Variants in MTG1 observed in about 807,000 individuals in gnomAD.
The protein encoded by MTG1 is mitochondrial ribosome associated GTPase 1, also known as mitochondrial ribosome-associated GTPase 1.
MTG1 carries 30 observed loss-of-function variants against 39.5 expected under a neutral mutation model. The ratio of observed to expected loss-of-function variants is 0.76; its 90% CI spans 0.57 to 1.03. MTG1 has a LOEUF of 1.03. Ranked by LOEUF, MTG1 falls within the 50% of genes least tolerant of loss-of-function variation. MTG1 has a pLI of 0.00. For missense variants in MTG1, 513 were observed against 447.4 expected (o/e 1.15, Z -1.32); for synonymous variants, 217 against 179.0 (o/e 1.21, Z -1.69).
Position 133,420,147 on chromosome 10 carries a change from G to C in MTG1, c.987G>C (p.Pro329=), listed in dbSNP as rs765682362. ...TCGACGTCCTGCGGGGCCACCCCCC[G>C]GCTGAGACTTTGCCCTGAACTTGTC... ...LDLDVLRGHP[P]AETLP is the part of the protein sequence containing the mutation. Residue 329 remains proline (P), a synonymous_variant, in exon 11 of 11, where the codon CCG becomes CCC. Coordinates refer to ENST00000317502, the MANE Select transcript of MTG1 (RefSeq NM_138384.4). 1 of 1,611,598 alleles carries C rather than the reference G, an allele frequency of 6.2e-7. No homozygotes were observed. Among genetic ancestry groups the C allele is most frequent in the Non-Finnish European group, 8.5e-7 (1 of 1,179,042 alleles).
chr10:133,401,024 T>G (rs1417124830), intron 6 of MTG1, among the ~76,000 whole-genome samples: 1 of 152,254 alleles, frequency 6.6e-6, no homozygotes, highest in Non-Finnish European at 1.5e-5. Context: ...TTGGGTTGTT[T>G]GTCCACAGTG....
At chr10:133,403,345 CG>C in intron 9 of MTG1, among the ~76,000 whole-genome samples, 1 of 130,688 alleles carries the variant, frequency 7.7e-6, no homozygotes, top group African/African-American at 2.9e-5. Context: ...AGGAAATGAG[CG>C]TTCCCGTCAC....
chr10:133,416,613 C>G (rs933150621), intron 9 of MTG1, among the ~76,000 whole-genome samples: 1 of 136,180 alleles, frequency 7.3e-6, no homozygotes, highest in Non-Finnish European at 1.5e-5. Flanking sequence ...TCCATGTGTT[C>G]TCATTGTTCA....
intron 9 of MTG1, among the ~76,000 whole-genome samples, chr10:133,405,182 C>T (rs946438180): frequency 6.6e-6 from 1 of 152,198 alleles, no homozygotes; most frequent in East Asian, 1.9e-4. Flanking sequence ...TTATTTAGGT[C>T]TTTAGTTTTT....
intron 1 of MTG1, chr10:133,394,824 CA>C: frequency 1.2e-6 from 1 of 861,602 alleles, no homozygotes; most frequent in Non-Finnish European, 1.4e-6. Flanking sequence ...AATTCGGCCC[CA>C]AGAAGACCTC....
intron 9 of MTG1, among the ~76,000 whole-genome samples, chr10:133,417,800 A>G (rs1850154531): frequency 6.6e-6 from 1 of 152,220 alleles, no homozygotes; most frequent in Non-Finnish European, 1.5e-5. Flanking sequence ...TAAAATACCT[A>G]GGAATCCAAC....
intron 10 of MTG1, 93 bp from the exon 11 acceptor site, chr10:133,419,933 T>G: frequency 1.4e-6 from 2 of 1,398,974 alleles, no homozygotes; most frequent in Non-Finnish European, 1.9e-6. Flanking sequence ...GATGCCATCA[T>G]GGAGCCTCTT....
chr10:133,397,416 C>T (rs1849798686), intron 3 of MTG1, among the ~76,000 whole-genome samples: 1 of 151,664 alleles, frequency 6.6e-6, no homozygotes, highest in Non-Finnish European at 1.5e-5. Context: ...GTCTCTGCAT[C>T]TTGGTGGTAG....
chr10:133,394,482 C>G, intron 1 of MTG1, 150 bp downstream of exon 1: 1 of 1,335,126 alleles, frequency 7.5e-7, no homozygotes, highest in Admixed American at 4.1e-5. Flanking sequence ...TCCCCGCTCT[C>G]ACCCGCTCCC....
chr10:133,418,335 G>A (rs1192335480), intron 9 of MTG1, among the ~76,000 whole-genome samples: 1 of 152,158 alleles, frequency 6.6e-6, no homozygotes, highest in South Asian at 2.1e-4. Context: ...GTTTCACCTT[G>A]TTAGGTGATG....
In MTG1 at chr10:133,395,695, C is replaced by T. The variant is rs772362333; in HGVS notation, c.113-18C>T. 19 of 1,613,346 alleles carry T rather than the reference C, an allele frequency of 1.2e-5. No individual in the cohort carries two copies. Among genetic ancestry groups the T allele is most frequent in the African/African-American group, 4.0e-5 (3 of 74,912 alleles). The stretch of plus-strand genomic sequence containing the variant: ...AAGGTTGTGAGCCCCTTCGCTGAGG[C>T]GTCCTTCTGTTTTCCAGGGCTGAAG... On this transcript the variant is annotated intron_variant, in intron 1 of 10. Coordinates refer to ENST00000317502, the MANE Select transcript of MTG1 (RefSeq NM_138384.4).
chr10:133,418,925 G>A (rs889187343), intron 9 of MTG1, among the ~76,000 whole-genome samples: 2 of 152,226 alleles, frequency 1.3e-5, no homozygotes, highest in Non-Finnish European at 2.9e-5. Flanking sequence ...ATCACTGGGT[G>A]ACGCTTAGCA....
Position 133,401,571 on chromosome 10 carries a change from C to A in MTG1, c.554C>A (p.Ala185Asp), listed in dbSNP as rs200334430. The change falls in exon 7 of 11, where the codon GCT (alanine) becomes GAT (aspartate). Residue 185 changes from alanine to aspartate, a missense_variant. By Grantham distance (126) the Ala-to-Asp change is moderately radical (BLOSUM62 -2). Transcript: ENST00000317502. ...RVGGEPGITR[A>D]VMSKIQVSER... The stretch of plus-strand genomic sequence containing the variant: ...GGTGGCGAGCCTGGGATCACCAGAG[C>A]TGTGATGTCCAAAATTCAGGTGGAG... The A allele has an allele frequency of 1.7e-5, 27 of 1,610,698 alleles. No individual in the cohort carries two copies. Among genetic ancestry groups the A allele is most frequent in the Non-Finnish European group, 2.2e-5 (26 of 1,177,884 alleles).
chr10:133,420,338 C>A lies in MTG1; in HGVS notation c.*173C>A. The A allele has an allele frequency of 1.4e-6, 1 of 716,120 alleles. No individual in the cohort carries two copies. The highest frequency in any genetic ancestry group is 2.1e-6 in the Non-Finnish European group (1 of 470,924). The allele number at this position is 716,120 out of a possible 1,614,324, so 44.4% of individuals were successfully genotyped here. Reference sequence around the variant, plus strand: ...CTCCAGGGACCCCAGTTGCAGGGCCCAAGCAGGTGGGAGTGGACACCAGGC... The same window carrying A: ...CTCCAGGGACCCCAGTTGCAGGGCCAAAGCAGGTGGGAGTGGACACCAGGC... On this transcript the variant is annotated 3_prime_UTR_variant, in exon 11 of 11. Transcript: ENST00000317502.
At position 133,413,349 on chromosome 10, in the gene MTG1, G is replaced by C. The variant is rs755162788; in HGVS notation, c.753-6131G>C. On this transcript the variant is annotated intron_variant, in intron 9 of 10. Coordinates refer to ENST00000317502, the MANE Select transcript of MTG1 (RefSeq NM_138384.4). ...GGCTGGTCTTGAACTCCTAATCTCA[G>C]GTGATCCACCCATGTCGGCCTCCCA... Among the ~76,000 whole-genome samples, 101 of 151,726 alleles carry C rather than the reference G, an allele frequency of 6.7e-4. 1 individual carries two copies. The highest frequency in any genetic ancestry group is 1.4e-3 in the Non-Finnish European group (96 of 67,962).
chr10:133,396,609 T>C lies in MTG1; in HGVS notation c.282+342T>C, dbSNP rs573572064. Among the ~76,000 whole-genome samples, 20 of 152,282 alleles carry C rather than the reference T, an allele frequency of 1.3e-4. No individual in the cohort carries two copies. In the East Asian group the frequency reaches 2.9e-3, roughly 22 times the overall value. ...AGACCGAGGACACGAGCTTTTCCAGTGTAATAAAACATATGAAATAAGAAT... is the reference window on the plus strand; with the variant it reads ...AGACCGAGGACACGAGCTTTTCCAGCGTAATAAAACATATGAAATAAGAAT... On this transcript the variant is annotated intron_variant, in intron 3 of 10. Coordinates refer to ENST00000317502, the MANE Select transcript of MTG1 (RefSeq NM_138384.4).
intron 9 of MTG1, among the ~76,000 whole-genome samples, chr10:133,405,874 T>A (rs1456463678): frequency 6.6e-6 from 1 of 152,238 alleles, no homozygotes; most frequent in African/African-American, 2.4e-5. Flanking sequence ...CTGGATCCTA[T>A]GGCAGTTCTA....
rs747852050 is a variant in MTG1 at position 133,420,055 on chromosome 10, C to T, written c.895C>T (p.Pro299Ser). The T allele has an allele frequency of 3.7e-6, 6 of 1,613,006 alleles. No individual in the cohort carries two copies. The Middle Eastern group carries it at 4.9e-4, about 133-fold the overall frequency. Reference protein sequence around the residue: ...GNVNIIQPNYPAAARDFLQTF... With the variant: ...GNVNIIQPNYSAAARDFLQTF... The stretch of plus-strand genomic sequence containing the variant: ...CGTGAACATTATTCAGCCTAACTAT[C>T]CTGCGGCAGCCCGTGACTTCCTGCA... Residue 299 changes from proline (P) to serine (S), a missense_variant, in exon 11 of 11, where the codon CCT (proline) becomes TCT (serine). Physicochemically the swap from Pro to Ser is moderately conservative, Grantham distance 74. Coordinates refer to ENST00000317502, the MANE Select transcript of MTG1 (RefSeq NM_138384.4).
chr10:133,399,288 T>G, intron 5 of MTG1, 62 bp downstream of exon 5: 1 of 1,569,478 alleles, frequency 6.4e-7, no homozygotes, highest in Non-Finnish European at 8.8e-7. Context: ...CAGCCCCTCC[T>G]GCCTGGCCTC....
Sources: gnomAD v4.1 joint callset for allele counts (sites outside exome capture counted in the v4.1 genomes callset) on GRCh38, gnomAD v4.1.1 for gene constraint, MANE v1.5 for transcripts, NCBI Gene and HGNC (gene_info 2026-07-23, HGNC 2026-07-21) for gene names.